The following MACROD2 variants were observed in gnomAD, a reference collection of about 807,000 sequenced individuals.
MACROD2 encodes ADP-ribose glycohydrolase MACROD2.
In MACROD2, 36 loss-of-function variants were observed where a neutral mutation model predicts 70.4. The ratio of observed to expected loss-of-function variants is 0.51; its 90% CI spans 0.39 to 0.68. MACROD2 has a LOEUF of 0.68. Ranked by LOEUF, MACROD2 falls within the 30% of genes least tolerant of loss-of-function variation. The pLI is 0.00. For synonymous variants in MACROD2, 172 were observed against 178.8 expected, an observed-to-expected ratio of 0.96 and a Z score of 0.30; for missense variants, 496 against 538.4, an observed-to-expected ratio of 0.92 and a Z score of 0.78.
intron 8 of MACROD2, among the ~76,000 whole-genome samples, chr20:15,835,017 C>T (rs1399247330): frequency 1.3e-5 from 2 of 152,186 alleles, no homozygotes; most frequent in Non-Finnish European, 2.9e-5. Flanking sequence ...TGGAGGAAGC[C>T]AACCTTCATG....
At chr20:15,238,243 T>A (rs1433122211) in intron 6 of MACROD2, among the ~76,000 whole-genome samples, 1 of 152,188 alleles carries the variant, frequency 6.6e-6, no homozygotes, top group Non-Finnish European at 1.5e-5. Context: ...TTAAGCATAG[T>A]GTGATATAGA....
intron 5 of MACROD2, among the ~76,000 whole-genome samples, chr20:14,827,824 A>G (rs1420933956): frequency 6.6e-6 from 1 of 152,082 alleles, no homozygotes; most frequent in Non-Finnish European, 1.5e-5. Context: ...ACATTTTAAT[A>G]AACATTTGAC....
intron 8 of MACROD2, among the ~76,000 whole-genome samples, chr20:15,787,639 A>G (rs2051952028): frequency 6.6e-6 from 1 of 152,092 alleles, no homozygotes; most frequent in African/African-American, 2.4e-5. Context: ...AATGATTTTG[A>G]TATTTTTTTA....
chr20:14,212,933 C>G (rs2081582317), intron 3 of MACROD2, among the ~76,000 whole-genome samples: 1 of 151,618 alleles, frequency 6.6e-6, no homozygotes. Flanking sequence ...TGGACCAGAA[C>G]CTCCAGATTC....
chr20:14,797,633 G>A (rs16994989), intron 5 of MACROD2, among the ~76,000 whole-genome samples: 2,067 of 152,054 alleles, frequency 0.014, 58 homozygotes, highest in African/African-American at 0.047. Flanking sequence ...CCAAGCCCCG[G>A]GTTCAGCCCT....
At chr20:16,031,260 T>G (rs2067147780) in intron 15 of MACROD2, among the ~76,000 whole-genome samples, 1 of 152,030 alleles carries the variant, frequency 6.6e-6, no homozygotes, top group Non-Finnish European at 1.5e-5. Flanking sequence ...AAAGGGTAAT[T>G]TCACTCGTAA....
At chr20:14,705,891 TCC>T (rs2071263244) in intron 5 of MACROD2, among the ~76,000 whole-genome samples, 1 of 151,888 alleles carries the variant, frequency 6.6e-6, no homozygotes, top group Admixed American at 6.6e-5. Flanking sequence ...TTCCTTCTCT[TCC>T]TCTCTCTCTT....
chr20:15,897,351 C>G (rs1264789900), intron 10 of MACROD2, among the ~76,000 whole-genome samples: 8 of 152,050 alleles, frequency 5.3e-5, no homozygotes, highest in Admixed American at 5.2e-4. Context: ...CTTTTGTGTT[C>G]CATAGTATCA....
chr20:14,657,818 T>C (rs149882442), intron 4 of MACROD2, among the ~76,000 whole-genome samples: 2 of 152,320 alleles, frequency 1.3e-5, no homozygotes, highest in East Asian at 3.9e-4. Flanking sequence ...GGAAGGAAGA[T>C]GCTCTGCCAA....
At chr20:14,120,882 G>C (rs896209413) in intron 3 of MACROD2, among the ~76,000 whole-genome samples, 1 of 150,644 alleles carries the variant, frequency 6.6e-6, no homozygotes, top group African/African-American at 2.4e-5. Context: ...ACCGAGAGGG[G>C]AACAACACAC....
intron 8 of MACROD2, among the ~76,000 whole-genome samples, chr20:15,819,504 T>C (rs959617307): frequency 8.9e-5 from 13 of 146,368 alleles, no homozygotes; most frequent in Non-Finnish European, 1.3e-4. Flanking sequence ...TAAATATATA[T>C]CTATATCGAT....
intron 6 of MACROD2, among the ~76,000 whole-genome samples, chr20:15,420,616 A>C (rs558712136): frequency 6.6e-6 from 1 of 152,160 alleles, no homozygotes; most frequent in Non-Finnish European, 1.5e-5. Flanking sequence ...AAATTGAATT[A>C]TTGACTATTC....
chr20:15,520,405 A>G (rs1238743183), intron 8 of MACROD2, among the ~76,000 whole-genome samples: 8 of 152,240 alleles, frequency 5.3e-5, no homozygotes, highest in African/African-American at 1.2e-4. Flanking sequence ...CAAAGTGCCA[A>G]TGAACCAAAG....
intron 4 of MACROD2, among the ~76,000 whole-genome samples, chr20:14,516,878 G>T (rs6042777): frequency 0.064 from 9,730 of 152,200 alleles, 1,040 homozygotes; most frequent in African/African-American, 0.22. Flanking sequence ...GTGGACAAAA[G>T]ATATGAATGG....
intron 2 of MACROD2, among the ~76,000 whole-genome samples, chr20:14,016,704 AC>A (rs958845542): frequency 2.0e-5 from 3 of 152,144 alleles, no homozygotes; most frequent in Non-Finnish European, 4.4e-5. Flanking sequence ...TTTGAAAAAA[AC>A]ATTCTATTGA....
chr20:15,682,468 A>G (rs2050173050), intron 8 of MACROD2, among the ~76,000 whole-genome samples: 1 of 152,212 alleles, frequency 6.6e-6, no homozygotes, highest in South Asian at 2.1e-4. Context: ...GCATTACTCA[A>G]TAGTAGAGTA....
chr20:14,953,620 G>T (rs1047395292), intron 5 of MACROD2, among the ~76,000 whole-genome samples: 3 of 152,070 alleles, frequency 2.0e-5, no homozygotes, highest in Non-Finnish European at 4.4e-5. Flanking sequence ...GTTTAAAAAA[G>T]TTATAAAAGA....
rs114233492 is a variant in MACROD2 at position 14,369,850 on chromosome 20, A to T, written c.272-123629A>T. On this transcript the variant is annotated intron_variant, in intron 3 of 17. Coordinates refer to ENST00000684519, the MANE Select transcript of MACROD2 (RefSeq NM_001351661.2). Reference sequence around the variant, plus strand: ...CTTGATAAATACTTAATGTTAAAAGATTTTCTTTCACATAGTTTCAGATTT... The same window carrying T: ...CTTGATAAATACTTAATGTTAAAAGTTTTTCTTTCACATAGTTTCAGATTT... Among the ~76,000 whole-genome samples the T allele has an allele frequency of 3.9e-3, 589 of 152,332 alleles. 2 individuals carry two copies. The highest frequency in any genetic ancestry group is 0.014 in the African/African-American group (572 of 41,574).
chr20:14,785,705 GT>G (rs1217806318), intron 5 of MACROD2, among the ~76,000 whole-genome samples: 2 of 152,062 alleles, frequency 1.3e-5, no homozygotes, highest in African/African-American at 4.8e-5. Context: ...GTGTTTTTCT[GT>G]TTTTATTTTC....
Sources: gnomAD v4.1 joint callset for allele counts (sites outside exome capture counted in the v4.1 genomes callset) on GRCh38, gnomAD v4.1.1 for gene constraint, MANE v1.5 for transcripts, NCBI Gene and HGNC (gene_info 2026-07-23, HGNC 2026-07-21) for gene names.